The following PPOX variants were observed in gnomAD, a reference collection of about 807,000 sequenced individuals.
The protein encoded by PPOX is variegate porphyria.
In PPOX, 23 loss-of-function variants were observed where a neutral mutation model predicts 54.1. The observed-to-expected ratio is 0.43, with a 90% confidence interval of 0.31 to 0.60. The LOEUF (loss-of-function observed/expected upper bound fraction) is 0.60, where lower values mean the gene tolerates loss of function less well. Among genes scored for constraint, PPOX ranks in the 20% least tolerant of loss-of-function variants. The probability of loss-of-function intolerance (pLI) is 0.13; values close to 1 mark genes in which losing one functional copy is unlikely to be tolerated. For synonymous variants in PPOX, 224 were observed against 236.1 expected (o/e 0.95, Z 0.47); for missense variants, 512 against 601.1 (o/e 0.85, Z 1.55).
At chr1:161,171,010 A>T in intron 12 of PPOX, 24 bp from the exon 13 acceptor site, 1 of 1,614,178 alleles carries the variant, frequency 6.2e-7, no homozygotes, top group Non-Finnish European at 8.5e-7. Context: ...CAGCTAAAAC[A>T]TTCCTTTCAT....
chr1:161,167,519 C>CCCTCAT (rs1659425161), intron 4 of PPOX, 33 bp downstream of exon 4: 1 of 1,529,688 alleles, frequency 6.5e-7, no homozygotes, highest in East Asian at 2.3e-5. Context: ...TTTTACTGTG[C>CCCTCAT]CCTCATCCTC....
upstream of PPOX, chr1:161,166,271 G>A (rs925482113): frequency 1.2e-5 from 12 of 998,214 alleles, no homozygotes; most frequent in Admixed American, 5.1e-5. Context: ...CTCCCAGCTC[G>A]GCGCTAACAC....
intron 4 of PPOX, chr1:161,176,615 G>C: frequency 1.8e-6 from 1 of 558,360 alleles, no homozygotes; most frequent in Non-Finnish European, 3.2e-6. Context: ...CTAGCTACCT[G>C]CACCGCCAGA....
At chr1:161,167,070 T>C in intron 2 of PPOX, 30 bp from the exon 3 acceptor site, 2 of 1,614,030 alleles carry the variant, frequency 1.2e-6, no homozygotes, top group Non-Finnish European at 8.5e-7. Context: ...CTACAGGCGG[T>C]GCTGCAGTGT....
At chr1:161,167,061 T>C in intron 2 of PPOX, 39 bp from the exon 3 acceptor site, 3 of 1,614,158 alleles carry the variant, frequency 1.9e-6, no homozygotes, top group Non-Finnish European at 2.5e-6. Flanking sequence ...CGCCGGCGGC[T>C]ACAGGCGGTG....
chr1:161,173,935 T>C (rs991069779), downstream of PPOX: 10 of 1,614,152 alleles, frequency 6.2e-6, no homozygotes, highest in East Asian at 2.2e-5. Context: ...TTGTGGTCAT[T>C]TTCTGGCAAG....
At chr1:161,174,056 G>A (rs769132019), downstream of PPOX, 1 of 1,612,330 alleles carries the variant, frequency 6.2e-7, no homozygotes, top group South Asian at 1.1e-5. Context: ...CAGCCTGGAA[G>A]ATAATGGAGG....
chr1:161,171,260 G>C, downstream of PPOX: 1 of 1,605,476 alleles, frequency 6.2e-7, no homozygotes, highest in Non-Finnish European at 8.5e-7. Context: ...ATAAGAATGC[G>C]GGGCAGCAAA....
chr1:161,167,657 C>G (rs761896330), intron 4 of PPOX, 171 bp downstream of exon 4: 2 of 937,758 alleles, frequency 2.1e-6, no homozygotes, highest in Admixed American at 3.0e-5. Context: ...TTCCGCCTTT[C>G]GGGTTCAAGC....
At chr1:161,166,816 T>A in intron 1 of PPOX, 24 bp from the exon 2 acceptor site, 1 of 1,611,200 alleles carries the variant, frequency 6.2e-7, no homozygotes, top group Non-Finnish European at 8.5e-7. Context: ...GGTCTGCCTG[T>A]CCATATCGCC....
chr1:161,166,813 C>T (rs1263349021), intron 1 of PPOX, 27 bp from the exon 2 acceptor site: 1 of 1,610,640 alleles, frequency 6.2e-7, no homozygotes, highest in Non-Finnish European at 8.5e-7. Flanking sequence ...CCCGGTCTGC[C>T]TGTCCATATC....
At position 161,171,177 on chromosome 1, in the gene PPOX, T is replaced by A. The variant is rs1661305923; in HGVS notation, c.*1T>A. The A allele has an allele frequency of 6.2e-7, 1 of 1,613,102 alleles. No individual in the cohort carries two copies. ...CCTGGGCACAGAACCTAACAGCTGA[T>A]CCCCAACTCTCATTCATGAAAATAA... On this transcript the variant is annotated 3_prime_UTR_variant, in exon 13 of 13. Coordinates refer to ENST00000367999, the MANE Select transcript of PPOX (RefSeq NM_001122764.3).
chr1:161,167,069 G>T (rs1029255000), intron 2 of PPOX, 31 bp from the exon 3 acceptor site: 13 of 1,614,040 alleles, frequency 8.1e-6, no homozygotes, highest in Non-Finnish European at 1.0e-5. Context: ...GCTACAGGCG[G>T]TGCTGCAGTG....
Position 161,166,511 on chromosome 1 carries a change from A to G in PPOX, c.-170A>G, listed in dbSNP as rs181399738. The stretch of plus-strand genomic sequence containing the variant: ...GTTGGCCTACAGAGGTGTGGCAAGC[A>G]GAGCACCTCAGAACTCAGGCGTACT... On this transcript the variant is annotated 5_prime_UTR_variant, in exon 1 of 13. Coordinates refer to ENST00000367999, the MANE Select transcript of PPOX (RefSeq NM_001122764.3). 120 of 1,329,384 alleles carry G rather than the reference A, an allele frequency of 9.0e-5. No homozygotes were observed. Among genetic ancestry groups the G allele is most frequent in the Non-Finnish European group, 1.2e-4 (119 of 1,032,642 alleles). 82.3% of individuals were successfully genotyped at this position (1,329,384 alleles called of 1,614,324 possible).
chr1:161,177,232 T>C, downstream of PPOX: 1 of 675,638 alleles, frequency 1.5e-6, no homozygotes, highest in South Asian at 1.9e-5. Flanking sequence ...AGCACGCCCA[T>C]CCTATCCCAG....
At chr1:161,171,610 C>T (rs1214052867), downstream of PPOX, 1 of 658,310 alleles carries the variant, frequency 1.5e-6, no homozygotes, top group African/African-American at 1.8e-5. Context: ...CAGTCATAAG[C>T]CCTACAGGAG....
intron 9 of PPOX, 89 bp from the exon 10 acceptor site, chr1:161,170,320 G>GGGGGGGGGGGCCCCC: frequency 1.2e-5 from 6 of 494,792 alleles, no homozygotes; most frequent in Non-Finnish European, 2.0e-5. Flanking sequence ...GTGAGACTCT[G>GGGGGGGGGGGCCCCC]TCCCCCCCAC....
intron 9 of PPOX, 50 bp from the exon 10 acceptor site, chr1:161,170,359 G>A: frequency 1.1e-6 from 1 of 946,518 alleles, no homozygotes; most frequent in Middle Eastern, 2.8e-4. Flanking sequence ...AGGAGAGACA[G>A]CCTCAGCTAG....
rs777171206 is a variant in PPOX, at chr1:161,168,996, G to A, written c.620G>A (p.Arg207Gln). Reference protein sequence around the residue: ...ILLGLLLGAGRTPQPDSALIR... With the variant: ...ILLGLLLGAGQTPQPDSALIR... ...TTCTTCTTTGCTTCCTCTGCAGGGC[G>A]GACCCCACAGCCAGACTCAGCACTC... is the stretch of plus-strand genomic sequence containing the variant. Residue 207 changes from arginine (R) to glutamine (Q), a missense_variant, in exon 7 of 13, where the codon CGG (arginine) becomes CAG (glutamine). Physicochemically the swap from Arg to Gln is conservative, Grantham distance 43. Transcript: ENST00000367999. The A allele has an allele frequency of 9.9e-6, 16 of 1,613,824 alleles. No homozygotes were observed. The highest frequency in any genetic ancestry group is 1.7e-4 in the Middle Eastern group (1 of 5,932).
Sources: gnomAD v4.1 joint callset for allele counts on GRCh38, gnomAD v4.1.1 for gene constraint, MANE v1.5 for transcripts, NCBI Gene and HGNC (gene_info 2026-07-23, HGNC 2026-07-21) for gene names.